PZP: variants seen among roughly 807,000 people sequenced by gnomAD.
PZP encodes the protein PZP alpha-2-macroglobulin like.
A neutral mutation model predicts 179.8 loss-of-function variants in PZP; 150 were observed. That is an observed-to-expected ratio of 0.83 (90% CI 0.73 to 0.96). PZP has a LOEUF of 0.96. PZP is among the 40% of genes least tolerant of loss of function. PZP has a pLI of 0.00. For missense variants in PZP, 1,689 were observed against 1,764.0 expected (o/e 0.96, Z 0.76); for synonymous variants, 624 against 652.3 (o/e 0.96, Z 0.66).
At chr12:9,155,489 GTTA>G (rs1387025190) in intron 28 of PZP, among the ~76,000 whole-genome samples, 12 of 145,454 alleles carry the variant, frequency 8.3e-5, no homozygotes, top group Non-Finnish European at 1.2e-4. Context: ...TTTTGTTGTT[GTTA>G]TTGTTGTTGT....
chr12:9,164,409 A>T (rs780651038), intron 19 of PZP, 150 bp from the exon 20 acceptor site: 11 of 826,430 alleles, frequency 1.3e-5, no homozygotes, highest in Non-Finnish European at 1.8e-5. Flanking sequence ...TTTAAGAAGC[A>T]TGGCAATGGC....
intron 14 of PZP, among the ~76,000 whole-genome samples, chr12:9,181,527 A>G (rs1458788567): frequency 6.6e-6 from 1 of 152,236 alleles, no homozygotes; most frequent in East Asian, 1.9e-4. Context: ...ACTATTACAT[A>G]AGTGGGGAAT....
At chr12:9,190,494 G>A (rs1943398209) in intron 13 of PZP, among the ~76,000 whole-genome samples, 1 of 152,092 alleles carries the variant, frequency 6.6e-6, no homozygotes, top group South Asian at 2.1e-4. Context: ...GGGCCTATCT[G>A]AGGGTGGAGG....
chr12:9,142,638 T>G, the PZP span, among the ~76,000 whole-genome samples: 2 of 152,206 alleles, frequency 1.3e-5, no homozygotes, highest in Admixed American at 1.3e-4. Context: ...AACACATATA[T>G]AGCCACACAG....
chr12:9,175,887 G>A (rs1300838795), intron 15 of PZP, among the ~76,000 whole-genome samples: 2 of 152,156 alleles, frequency 1.3e-5, no homozygotes, highest in Non-Finnish European at 2.9e-5. Flanking sequence ...AACCACTGTG[G>A]AAGAAAGTGT....
In PZP at chr12:9,163,931, T is replaced by C. The variant is rs930198538; in HGVS notation, c.2615-142A>G. 5.6e-6 allele frequency: 7 copies of C among 1,255,602 alleles called. No individual in the cohort carries two copies. The African/African-American group carries it at 6.1e-5, about 11-fold the overall frequency. The allele number at this position is 1,255,602 out of a possible 1,614,324, so 77.8% of individuals were successfully genotyped here. ...ACCCACAAGGTTAATGTATACTAAG[T>C]AGCCAATGTCCAAGATAGTGATTCT... On this transcript the variant is annotated intron_variant, in intron 20 of 35. Transcript: ENST00000261336.
intron 20 of PZP, 65 bp from the exon 21 acceptor site, chr12:9,163,854 C>T: frequency 1.3e-6 from 2 of 1,507,654 alleles, no homozygotes; most frequent in Non-Finnish European, 1.8e-6. Context: ...TTAAGGGCTG[C>T]ACCTTAAACT....
At chr12:9,151,152 T>C (rs1940324811) in intron 33 of PZP, among the ~76,000 whole-genome samples, 1 of 152,226 alleles carries the variant, frequency 6.6e-6, no homozygotes, top group South Asian at 2.1e-4. Context: ...CCTCATTTTA[T>C]TTTATGGTGA....
chr12:9,203,669 C>A, intron 2 of PZP, 99 bp downstream of exon 2: 1 of 1,404,872 alleles, frequency 7.1e-7, no homozygotes, highest in South Asian at 1.3e-5. Flanking sequence ...TTCTTAAAGT[C>A]ATACCTTGGG....
chr12:9,152,792 C>T (rs1439050202), intron 31 of PZP, 32 bp downstream of exon 31: 1 of 1,595,616 alleles, frequency 6.3e-7, no homozygotes, highest in East Asian at 2.2e-5. Context: ...GCTTTTGGGC[C>T]AAAGATAGGT....
At chr12:9,157,638 C>T (rs759988287) in intron 27 of PZP, 129 bp downstream of exon 27, 3 of 840,798 alleles carry the variant, frequency 3.6e-6, no homozygotes, top group Admixed American at 2.4e-5. Context: ...AACCAAAGAG[C>T]TTATCAGTCT....
rs977356787 is a variant in PZP, at chr12:9,152,155, G to C, written c.4212+65C>G. 6 of 1,155,378 alleles carry C rather than the reference G, an allele frequency of 5.2e-6. No individual in the cohort carries two copies. The African/African-American group carries it at 9.1e-5, about 18-fold the overall frequency. 71.6% of individuals were successfully genotyped at this position (1,155,378 alleles called of 1,614,324 possible). A position where few individuals can be genotyped will look rare whatever the true frequency, so the allele number is the denominator to read the frequency against. Reference sequence around the variant, plus strand: ...GTTGACATGGTTTTGATATTGGTATGGTCTTAGTTTGGGGATACAGAACAT... The same window carrying C: ...GTTGACATGGTTTTGATATTGGTATCGTCTTAGTTTGGGGATACAGAACAT... On this transcript the variant is annotated intron_variant, in intron 32 of 35. Coordinates refer to ENST00000261336, the MANE Select transcript of PZP (RefSeq NM_002864.3).
At chr12:9,157,143 A>G (rs1940814990) in intron 28 of PZP, 32 bp downstream of exon 28, 1 of 1,594,716 alleles carries the variant, frequency 6.3e-7, no homozygotes, top group South Asian at 1.1e-5. Context: ...ATGTGTTCTC[A>G]TTGTTCAGCT....
chr12:9,193,959 C>A, intron 11 of PZP, 118 bp downstream of exon 11: 1 of 1,031,290 alleles, frequency 9.7e-7, no homozygotes, highest in Non-Finnish European at 1.3e-6. Context: ...AATTTGTAAA[C>A]TCAAAGTTAG....
the PZP span, among the ~76,000 whole-genome samples, chr12:9,139,937 C>T: frequency 6.6e-6 from 1 of 152,092 alleles, no homozygotes; most frequent in Non-Finnish European, 1.5e-5. Flanking sequence ...TGGAATGTTT[C>T]TGTGTGGAGG....
rs571006439 is a variant in PZP at position 9,189,291 on chromosome 12, A to G, written c.1546+2902T>C. ...TACCAAAACAGCATAGTACTTGTAC[A>G]AAAACAGACACACAAATCAATGGGA... On this transcript the variant is annotated intron_variant, in intron 13 of 35. Coordinates refer to ENST00000261336, the MANE Select transcript of PZP (RefSeq NM_002864.3). Among the ~76,000 whole-genome samples, 3 of 152,346 alleles carry G rather than the reference A, an allele frequency of 2.0e-5. No individual in the cohort carries two copies. In the Middle Eastern group the frequency reaches 0.01, roughly 518 times the overall value.
At chr12:9,166,012 C>A in intron 18 of PZP, 40 bp downstream of exon 18, 1 of 1,568,900 alleles carries the variant, frequency 6.4e-7, no homozygotes, top group Non-Finnish European at 8.6e-7. Context: ...GAACCACATT[C>A]CCTCCCCTCC....
the PZP span, among the ~76,000 whole-genome samples, chr12:9,138,053 T>C: frequency 1.3e-5 from 2 of 152,068 alleles, no homozygotes; most frequent in Non-Finnish European, 2.9e-5. Flanking sequence ...TTTGGTTCTA[T>C]ATTGAATAAA....
intron 35 of PZP, 27 bp from the exon 36 acceptor site, chr12:9,149,021 G>T: frequency 6.2e-7 from 1 of 1,604,190 alleles, no homozygotes; most frequent in Non-Finnish European, 8.5e-7. Flanking sequence ...AACGTAAGGA[G>T]GTTGTATCAT....
Sources: allele counts gnomAD v4.1 joint callset (sites outside exome capture counted in the v4.1 genomes callset), GRCh38; gene constraint gnomAD v4.1.1; transcripts MANE v1.5; gene names NCBI Gene and HGNC (gene_info 2026-07-23, HGNC 2026-07-21).